KRT7: variants seen among roughly 807,000 people sequenced by gnomAD.
KRT7 encodes keratin 7.
Under a neutral mutation model 42.8 loss-of-function variants are expected in KRT7, and 50 were observed. The ratio of observed to expected loss-of-function variants is 1.17; its 90% CI spans 0.93 to 1.48. The LOEUF (loss-of-function observed/expected upper bound fraction) is 1.48. Ranked by LOEUF, KRT7 falls within the 40% of genes most tolerant of loss-of-function variation. The pLI, the probability that KRT7 is intolerant of heterozygous loss-of-function variation, is 0.00. For missense variants in KRT7, 588 were observed against 637.6 expected (o/e 0.92, Z 0.84); for synonymous variants, 268 against 266.3 (o/e 1.01, Z -0.06).
intron 2 of KRT7, among the ~76,000 whole-genome samples, chr12:52,237,010 A>G (rs549086840): frequency 1.3e-5 from 2 of 152,278 alleles, no homozygotes; most frequent in East Asian, 3.9e-4. Flanking sequence ...TGATTAGGGC[A>G]TGGCTGGAGT....
intron 2 of KRT7, 103 bp downstream of exon 2, chr12:52,235,469 G>C: frequency 1.0e-6 from 1 of 982,038 alleles, no homozygotes; most frequent in South Asian, 1.6e-5. Context: ...TCAGCATGCA[G>C]CTGCTCAGTC....
rs1212683156 is a variant in KRT7 at position 52,248,224 on chromosome 12, C to T, written c.1240+13C>T. The T allele has an allele frequency of 6.2e-7, 1 of 1,613,844 alleles. No individual in the cohort carries two copies. Among genetic ancestry groups the T allele is most frequent in the South Asian group, 1.1e-5 (1 of 91,054 alleles). On this transcript the variant is annotated intron_variant, in intron 8 of 8. Transcript: ENST00000331817. ...GCCGTGAATATCTGTAAGTCCTTGG[C>T]TGCGGCCCATGGGAAGCATCCCTTG... is the stretch of plus-strand genomic sequence containing the variant.
rs772652543 is a variant in KRT7 at position 52,248,126 on chromosome 12, C to T, written c.1206-51C>T. 6 of 1,572,356 alleles carry T rather than the reference C, an allele frequency of 3.8e-6. No individual in the cohort carries two copies. In the South Asian group the frequency reaches 5.5e-5, roughly 15 times the overall value. On this transcript the variant is annotated intron_variant, in intron 7 of 8. Transcript: ENST00000331817. Reference sequence around the variant, plus strand: ...GAAGGAGAGAGGGCTGAGAGCGCTTCCCTCCCACGCTAGGAAAGAGCCGTC... The same window carrying T: ...GAAGGAGAGAGGGCTGAGAGCGCTTTCCTCCCACGCTAGGAAAGAGCCGTC...
Position 52,248,459 on chromosome 12 carries a change from G to A in KRT7, c.1241-132G>A, listed in dbSNP as rs1182141065. Reference sequence around the variant, plus strand: ...CCTACCCCTGTCAGATGCTCCTTCTGGGTTGGCCCATGGAGGGGGGCAGGG... The same window carrying A: ...CCTACCCCTGTCAGATGCTCCTTCTAGGTTGGCCCATGGAGGGGGGCAGGG... On this transcript the variant is annotated intron_variant, in intron 8 of 8. Transcript: ENST00000331817. 4.0e-6 allele frequency: 4 copies of A among 999,412 alleles called. No homozygotes were observed. The Admixed American group carries it at 7.3e-5, about 18-fold the overall frequency. 61.9% of individuals were successfully genotyped at this position (999,412 alleles called of 1,614,324 possible).
At chr12:52,252,244 C>A, downstream of KRT7, 1 of 1,613,772 alleles carries the variant, frequency 6.2e-7, no homozygotes, top group Non-Finnish European at 8.5e-7. Context: ...ACACCCTCCC[C>A]ACAGCTGTGG....
At chr12:52,248,994 G>A (rs941066006), downstream of KRT7, 3 of 387,874 alleles carry the variant, frequency 7.7e-6, no homozygotes, top group African/African-American at 6.3e-5. Context: ...GGTCTCCCTG[G>A]TGACTAGGAA....
Position 52,248,686 on chromosome 12 carries a change from A to C in KRT7, c.1336A>C (p.Ser446Arg), listed in dbSNP as rs1269916943. The change falls in exon 9 of 9, where the codon AGT (serine) becomes CGT (arginine). Residue 446 changes from serine to arginine, a missense_variant. Ser to Arg is a moderately radical substitution (Grantham distance 110). Transcript: ENST00000331817. ...CAGCAATGCCCTGAGCTTCTCCAGC[A>C]GTGCGGGTCCTGGGCTCCTGAAGGC... ...MGSNALSFSS[S>R]AGPGLLKAYS... 2 of 1,613,316 alleles carry C rather than the reference A, an allele frequency of 1.2e-6. No individual in the cohort carries two copies. The highest frequency in any genetic ancestry group is 2.7e-5 in the African/African-American group (2 of 74,906).
Position 52,237,726 on chromosome 12 carries a change from A to ATGTGTGTGTGTG in KRT7, c.597+182_597+193dup, listed in dbSNP as rs10546862. 4.8e-4 allele frequency: 166 copies of ATGTGTGTGTGTG among 346,416 alleles called. 2 individuals are homozygous for ATGTGTGTGTGTG. The highest frequency in any genetic ancestry group is 1.1e-3 in the Admixed American group (24 of 21,868). 21.5% of individuals were successfully genotyped at this position (346,416 alleles called of 1,614,324 possible). On this transcript the variant is annotated intron_variant, in intron 3 of 8. Coordinates refer to ENST00000331817, the MANE Select transcript of KRT7 (RefSeq NM_005556.4). The stretch of plus-strand genomic sequence containing the variant: ...CACAGCCTGTCCTGTGGGTGCGTGT[A>ATGTGTGTGTGTG]TGTGTGTGTGTGTGTGTGTGTGTGT...
intron 7 of KRT7, chr12:52,247,755 A>T (rs1942196309): frequency 9.9e-6 from 2 of 201,210 alleles, no homozygotes; most frequent in Admixed American, 1.1e-4. Context: ...TAAAAGTATC[A>T]ATAGGCCACA....
chr12:52,241,316 C>G (rs1264985850), intron 4 of KRT7, among the ~76,000 whole-genome samples, 156 bp from the exon 5 acceptor site: 1 of 152,178 alleles, frequency 6.6e-6, no homozygotes, highest in Non-Finnish European at 1.5e-5. Context: ...AATGAAGTAA[C>G]TTAATGTGTG....
chr12:52,233,707 G>T, intron 1 of KRT7, 87 bp downstream of exon 1: 1 of 1,354,438 alleles, frequency 7.4e-7, no homozygotes, highest in Non-Finnish European at 1.1e-6. Flanking sequence ...GCGCGGGCCA[G>T]GCGCTGGGGA....
At chr12:52,250,575 G>A (rs1011098903), downstream of KRT7, 129 of 1,260,150 alleles carry the variant, frequency 1.0e-4, no homozygotes, top group Admixed American at 4.2e-4. Context: ...GACGCTGCCC[G>A]TCACCGGCCG....
chr12:52,251,832 G>C (rs1296780570), downstream of KRT7: 4 of 360,106 alleles, frequency 1.1e-5, no homozygotes, highest in South Asian at 2.2e-5. Context: ...AGTTTTCTTG[G>C]AACCCAGTCA....
chr12:52,240,681 T>C (rs1467788359), intron 4 of KRT7, among the ~76,000 whole-genome samples: 1 of 152,064 alleles, frequency 6.6e-6, no homozygotes, highest in Non-Finnish European at 1.5e-5. Context: ...AATGCTACCA[T>C]CTTTGTGTCT....
intron 7 of KRT7, chr12:52,246,411 C>T (rs1299164297): frequency 6.6e-6 from 1 of 152,218 alleles, no homozygotes; most frequent in Admixed American, 6.5e-5. Context: ...AGACCAGTAA[C>T]TTACATTTGT....
chr12:52,244,806 C>G (rs981681243), intron 6 of KRT7, among the ~76,000 whole-genome samples: 1 of 152,130 alleles, frequency 6.6e-6, no homozygotes, highest in Non-Finnish European at 1.5e-5. Context: ...CCTGACCAAA[C>G]CCGGGGACTG....
chr12:52,237,726 ATG>A (rs10546862), intron 3 of KRT7, 157 bp downstream of exon 3: 24,527 of 344,452 alleles, frequency 0.071, 511 homozygotes, highest in African/African-American at 0.13. Context: ...GGGTGCGTGT[ATG>A]TGTGTGTGTG....
At chr12:52,251,521 C>G (rs1034989816), downstream of KRT7, among the ~76,000 whole-genome samples, 1 of 152,198 alleles carries the variant, frequency 6.6e-6, no homozygotes, top group African/African-American at 2.4e-5. Context: ...ATAGCATAGC[C>G]TGTTGCTTCT....
chr12:52,254,178 C>G, downstream of KRT7: 1 of 538,280 alleles, frequency 1.9e-6, no homozygotes, highest in African/African-American at 1.9e-5. Context: ...CCCCTTGTCC[C>G]ACCATAGGGT....
Sources: gnomAD v4.1 joint callset for allele counts (sites outside exome capture counted in the v4.1 genomes callset) on GRCh38, gnomAD v4.1.1 for gene constraint, MANE v1.5 for transcripts, NCBI Gene and HGNC (gene_info 2026-07-23, HGNC 2026-07-21) for gene names.